Variants in COPE observed in about 807,000 individuals in gnomAD.
The protein encoded by COPE is coatomer subunit epsilon.
Under a neutral mutation model 42.1 loss-of-function variants are expected in COPE, and 19 were observed. That is an observed-to-expected ratio of 0.45 (90% CI 0.31 to 0.66). COPE has a LOEUF of 0.66. Ranked by LOEUF, COPE falls within the 30% of genes least tolerant of loss-of-function variation. The pLI is 0.05. For synonymous variants in COPE, 195 were observed against 181.3 expected, an observed-to-expected ratio of 1.08 and a Z score of -0.60; for missense variants, 402 against 416.1, an observed-to-expected ratio of 0.97 and a Z score of 0.30.
intron 3 of COPE, among the ~76,000 whole-genome samples, chr19:18,910,098 G>C (rs2056796119): frequency 6.6e-6 from 1 of 152,176 alleles, no homozygotes; most frequent in Non-Finnish European, 1.5e-5. Context: ...GGAAGAGCAG[G>C]ATCACAGCAG....
At chr19:18,912,959 G>GC (rs1470336417) in intron 2 of COPE, 25 bp downstream of exon 2, 1 of 1,609,324 alleles carries the variant, frequency 6.2e-7, no homozygotes, top group Non-Finnish European at 8.5e-7. Context: ...CATCACTCTT[G>GC]CCCCCGGCCA....
At chr19:18,912,461 G>GA (rs57706060) in intron 2 of COPE, among the ~76,000 whole-genome samples, 23,262 of 141,280 alleles carry the variant, frequency 0.16, 2,083 homozygotes, top group African/African-American at 0.26. Flanking sequence ...ATTATTTTAG[G>GA]AAAAAAAAAA....
rs535101325 is a variant in COPE at position 18,901,885 on chromosome 19, A to G, written c.735+1383T>C. Among the ~76,000 whole-genome samples the G allele has an allele frequency of 5.9e-5, 9 of 152,340 alleles. No homozygotes were observed. The South Asian group carries it at 1.9e-3, about 32-fold the overall frequency. Reference sequence around the variant, plus strand: ...AGCTTTGATGTCCTTTCTGATTATAAAAATAATAATCCAGGCTGGGCACAG... The same window carrying G: ...AGCTTTGATGTCCTTTCTGATTATAGAAATAATAATCCAGGCTGGGCACAG... On this transcript the variant is annotated intron_variant, in intron 7 of 9. Coordinates refer to ENST00000262812, the MANE Select transcript of COPE (RefSeq NM_007263.4).
At position 18,899,958 on chromosome 19, in the gene COPE, G is replaced by A; in HGVS notation, c.805-11C>T. Reference sequence around the variant, plus strand: ...GTATCGGTTTGTCACCTGCAGGGGAGGCAGGGAGGCAGGTGAGCCGAACAC... The same window carrying A: ...GTATCGGTTTGTCACCTGCAGGGGAAGCAGGGAGGCAGGTGAGCCGAACAC... On this transcript the variant is annotated splice_polypyrimidine_tract_variant and intron_variant, in intron 8 of 9. Coordinates refer to ENST00000262812, the MANE Select transcript of COPE (RefSeq NM_007263.4). 6.2e-7 allele frequency: 1 copy of A among 1,610,054 alleles called. No homozygotes were observed. The highest frequency in any genetic ancestry group is 1.1e-5 in the South Asian group (1 of 90,624).
chr19:18,919,289 G>C lies in COPE; in HGVS notation c.60C>G (p.Phe20Leu), dbSNP rs1601243374. Residue 20 changes from phenylalanine to leucine, a missense_variant, in exon 1 of 10, where the codon TTC (phenylalanine) becomes TTG (leucine). Transcript: ENST00000262812. ...CGATGTAGAAGGCGTTCTTTACGTC[G>C]AACAGCTCGTCTACCTCCCCGGAGC... ...SGGSGEVDEL[F>L]DVKNAFYIGS... 6.2e-7 allele frequency: 1 copy of C among 1,613,854 alleles called. No homozygotes were observed. Among genetic ancestry groups the C allele is most frequent in the Admixed American group, 1.7e-5 (1 of 60,014 alleles).
chr19:18,905,810 G>T, intron 4 of COPE, 181 bp from the exon 5 acceptor site: 1 of 601,538 alleles, frequency 1.7e-6, no homozygotes, highest in Non-Finnish European at 2.8e-6. Context: ...GCTTCCTCAG[G>T]CCCAGGAGCT....
intron 7 of COPE, among the ~76,000 whole-genome samples, chr19:18,902,035 C>G (rs1176151271): frequency 6.6e-6 from 1 of 151,872 alleles, no homozygotes; most frequent in Non-Finnish European, 1.5e-5. Context: ...AAAAAATTAG[C>G]TGGGCATGGT....
At chr19:18,900,285 G>C (rs754827884) in intron 8 of COPE, 96 bp downstream of exon 8, 33 of 1,045,984 alleles carry the variant, frequency 3.2e-5, no homozygotes, top group Non-Finnish European at 4.2e-5. Context: ...TGTATACAGA[G>C]TTTTCCCAGG....
At chr19:18,904,643 C>T (rs1568316435) in intron 6 of COPE, 128 bp downstream of exon 6, 2 of 784,848 alleles carry the variant, frequency 2.5e-6, no homozygotes, top group South Asian at 1.7e-5. Flanking sequence ...GCCAGGCTGG[C>T]AGGGGCCACG....
Position 18,919,299 on chromosome 19 carries a change from T to A in COPE, c.50A>T (p.Asp17Val). ...GGCGTTCTTTACGTCGAACAGCTCG[T>A]CTACCTCCCCGGAGCCGCCGGAGGC... ...GPASGGSGEV[D>V]ELFDVKNAFY... Residue 17 changes from aspartate (D) to valine (V), a missense_variant, in exon 1 of 10, where the codon GAC becomes GTC. Physicochemically the swap from Asp to Val is radical, Grantham distance 152 (BLOSUM62 -3). Transcript: ENST00000262812. 1 of 1,613,880 alleles carries A rather than the reference T, an allele frequency of 6.2e-7. No homozygotes were observed. Among genetic ancestry groups the A allele is most frequent in the Non-Finnish European group, 8.5e-7 (1 of 1,179,992 alleles).
In COPE at chr19:18,902,785, G is replaced by GAAAGGAAGGA. The variant is rs777002911; in HGVS notation, c.735+482_735+483insTCCTTCCTTT. The stretch of plus-strand genomic sequence containing the variant: ...GAAGGAAGGGAAAGAAGGAAGGAAG[G>GAAAGGAAGGA]AAGGAAGGAAGGAAGGAAGGAAGGA... On this transcript the variant is annotated intron_variant, in intron 7 of 9. Coordinates refer to ENST00000262812, the MANE Select transcript of COPE (RefSeq NM_007263.4). Among the ~76,000 whole-genome samples the GAAAGGAAGGA allele has an allele frequency of 7.2e-4, 22 of 30,532 alleles. 3 individuals carry two copies. Among genetic ancestry groups the GAAAGGAAGGA allele is most frequent in the East Asian group, 1.0e-3 (3 of 2,872 alleles). 20.0% of individuals were successfully genotyped at this position (30,532 alleles called of 152,430 possible). A position where few individuals can be genotyped will look rare whatever the true frequency, so the allele number is the denominator to read the frequency against.
intron 3 of COPE, chr19:18,910,684 A>G (rs1568320484): frequency 4.3e-6 from 2 of 465,796 alleles, no homozygotes; most frequent in African/African-American, 1.9e-5. Flanking sequence ...TCGGTAATTG[A>G]TATTTTCAGT....
chr19:18,909,858 C>T (rs1355503346), intron 3 of COPE, among the ~76,000 whole-genome samples: 1 of 152,138 alleles, frequency 6.6e-6, no homozygotes, highest in Non-Finnish European at 1.5e-5. Context: ...CTTTGGGGCC[C>T]ACCCTAAATC....
intron 1 of COPE, among the ~76,000 whole-genome samples, chr19:18,915,489 C>A (rs1474635690): frequency 6.6e-6 from 1 of 152,208 alleles, no homozygotes; most frequent in East Asian, 1.9e-4. Context: ...ACGATCCTAC[C>A]ATCAGGACGC....
At position 18,919,214 on chromosome 19, in the gene COPE, C is replaced by A. The variant is rs778581787; in HGVS notation, c.126+9G>T. On this transcript the variant is annotated intron_variant, in intron 1 of 9. Transcript: ENST00000262812. ...CCCCCAGCGTCCCCGCGCCCCTGCG[C>A]GGCCGCACCTTCACCCGCTGCGCCT... The A allele has an allele frequency of 1.2e-5, 19 of 1,607,516 alleles. No individual in the cohort carries two copies. The highest frequency in any genetic ancestry group is 1.4e-5 in the Non-Finnish European group (17 of 1,176,720).
At chr19:18,906,931 G>A (rs1335670902) in intron 4 of COPE, 29 bp downstream of exon 4, 2 of 1,540,750 alleles carry the variant, frequency 1.3e-6, no homozygotes, top group Middle Eastern at 1.9e-4. Context: ...GCCTCCCTGG[G>A]CTGGCCCCAG....
At chr19:18,915,067 G>T (rs964330088) in intron 1 of COPE, among the ~76,000 whole-genome samples, 1 of 152,116 alleles carries the variant, frequency 6.6e-6, no homozygotes, top group East Asian at 1.9e-4. Context: ...TATTAGCCAG[G>T]TGTGGTAGCA....
chr19:18,901,348 T>TGGCAGGGAGG (rs1382543629), intron 7 of COPE, among the ~76,000 whole-genome samples: 1 of 152,176 alleles, frequency 6.6e-6, no homozygotes, highest in Non-Finnish European at 1.5e-5. Flanking sequence ...TGTTCTCAGG[T>TGGCAGGGAGG]GGCAGGGAGG....
intron 3 of COPE, among the ~76,000 whole-genome samples, chr19:18,910,061 A>G (rs1204663274): frequency 6.6e-6 from 1 of 152,172 alleles, no homozygotes; most frequent in Non-Finnish European, 1.5e-5. Flanking sequence ...GGGAGGCGGT[A>G]GTTGGGACAC....
Sources: allele counts gnomAD v4.1 joint callset (sites outside exome capture counted in the v4.1 genomes callset), GRCh38; gene constraint gnomAD v4.1.1; transcripts MANE v1.5; gene names NCBI Gene and HGNC (gene_info 2026-07-23, HGNC 2026-07-21).